The following SOBP variants were observed in gnomAD, a reference collection of about 807,000 sequenced individuals.
The protein encoded by SOBP is sine oculis binding protein homolog.
Under a neutral mutation model 53.6 loss-of-function variants are expected in SOBP, and 4 were observed. The observed-to-expected ratio is 0.07, with a 90% CI of 0.04 to 0.17. SOBP has a LOEUF of 0.17. SOBP is among the 10% of genes least tolerant of loss of function. The pLI, the probability that SOBP is intolerant of heterozygous loss-of-function variation, is 1.00. For missense variants in SOBP, 1,088 were observed against 1,204.7 expected (o/e 0.90, Z 1.43); for synonymous variants, 584 against 522.6 (o/e 1.12, Z -1.60).
intron 5 of SOBP, among the ~76,000 whole-genome samples, chr6:107,614,350 G>C (rs1786703559): frequency 6.6e-6 from 1 of 152,194 alleles, no homozygotes; most frequent in Non-Finnish European, 1.5e-5. Flanking sequence ...TTGAACAGTA[G>C]AGTGAGACCC....
intron 4 of SOBP, among the ~76,000 whole-genome samples, chr6:107,563,659 T>C (rs1001681887): frequency 3.3e-5 from 5 of 152,000 alleles, no homozygotes; most frequent in African/African-American, 7.3e-5. Context: ...TTTTCATTGT[T>C]CCTTTTTTAT....
At chr6:107,570,184 GC>G (rs1185943318) in intron 4 of SOBP, among the ~76,000 whole-genome samples, 1 of 152,170 alleles carries the variant, frequency 6.6e-6, no homozygotes, top group African/African-American at 2.4e-5. Context: ...GCAAAGTGTA[GC>G]TTACCAAGCA....
chr6:107,557,127 C>T (rs1003169967), intron 4 of SOBP, among the ~76,000 whole-genome samples: 2 of 151,912 alleles, frequency 1.3e-5, no homozygotes, highest in East Asian at 1.9e-4. Flanking sequence ...TTGTTGCTGT[C>T]GCAAGTGACC....
rs5878923 is a variant in SOBP at position 107,584,794 on chromosome 6, A to ATT, written c.574-2277_574-2276dup. Among the ~76,000 whole-genome samples the ATT allele has an allele frequency of 2.5e-3, 377 of 149,766 alleles. 6 individuals are homozygous for ATT. The East Asian group carries it at 0.044, about 18-fold the overall frequency. ...GCATATTCAAATATTAGATAATGGGATTTTTTTTTTGTCCTTTAAACACAA... is the reference window on the plus strand; with the variant it reads ...GCATATTCAAATATTAGATAATGGGATTTTTTTTTTTTGTCCTTTAAACACAA... On this transcript the variant is annotated intron_variant, in intron 4 of 6. Transcript: ENST00000317357.
intron 5 of SOBP, among the ~76,000 whole-genome samples, chr6:107,620,008 TG>T (rs1786946070): frequency 6.6e-6 from 1 of 152,212 alleles, no homozygotes. Context: ...GTGAGACTTT[TG>T]GTCTTCCTAA....
At chr6:107,565,335 A>G (rs1434426939) in intron 4 of SOBP, among the ~76,000 whole-genome samples, 1 of 152,222 alleles carries the variant, frequency 6.6e-6, no homozygotes, top group Admixed American at 6.5e-5. Context: ...CTGTCTGCAC[A>G]AGGCTGCCCC....
At chr6:107,640,881 G>A (rs141139760) in intron 6 of SOBP, among the ~76,000 whole-genome samples, 1 of 152,326 alleles carries the variant, frequency 6.6e-6, no homozygotes, top group Non-Finnish European at 1.5e-5. Flanking sequence ...GGTCATGCTA[G>A]TGCAGCACTG....
rs1239930614 is a variant in SOBP at position 107,658,636 on chromosome 6, T to C, written c.*433T>C. ...TTAATCTTTTTAAAAACTGCTGTGG[T>C]TTTGCTGCTACACTAAGAATTGTGA... is the stretch of plus-strand genomic sequence containing the variant. On this transcript the variant is annotated 3_prime_UTR_variant, in exon 7 of 7. Transcript: ENST00000317357. 1 of 152,626 alleles carries C rather than the reference T, an allele frequency of 6.6e-6. No homozygotes were observed. Among genetic ancestry groups the C allele is most frequent in the Non-Finnish European group, 1.5e-5 (1 of 68,046 alleles). The allele number at this position is 152,626 out of a possible 1,614,324, so 9.5% of individuals were successfully genotyped here.
chr6:107,568,549 A>C (rs1197167849), intron 4 of SOBP, among the ~76,000 whole-genome samples: 1 of 152,218 alleles, frequency 6.6e-6, no homozygotes, highest in East Asian at 1.9e-4. Context: ...TGGGAGCAAC[A>C]CACACATCAG....
At chr6:107,569,218 A>G (rs1224749965) in intron 4 of SOBP, among the ~76,000 whole-genome samples, 2 of 152,220 alleles carry the variant, frequency 1.3e-5, no homozygotes, top group Non-Finnish European at 2.9e-5. Context: ...CTCTAAGGGC[A>G]GTGGCATCCC....
chr6:107,506,894 A>G (rs948114239), intron 3 of SOBP, among the ~76,000 whole-genome samples: 1 of 151,996 alleles, frequency 6.6e-6, no homozygotes, highest in Admixed American at 6.6e-5. Context: ...CATGTCTACT[A>G]AAAATACAAA....
intron 5 of SOBP, among the ~76,000 whole-genome samples, chr6:107,602,568 T>TTAAAAAAAAA (rs1421561980): frequency 5.8e-5 from 6 of 102,782 alleles, no homozygotes; most frequent in African/African-American, 2.4e-4. Context: ...TAAGCCGCGT[T>TTAAAAAAAAA]AAAAAAAAAA....
intron 5 of SOBP, among the ~76,000 whole-genome samples, chr6:107,588,674 G>T (rs1328147625): frequency 1.3e-5 from 2 of 152,118 alleles, no homozygotes; most frequent in Non-Finnish European, 2.9e-5. Flanking sequence ...TTGTCTATTT[G>T]TTGGAAAAAT....
chr6:107,587,537 G>A (rs1050783605), intron 5 of SOBP, among the ~76,000 whole-genome samples: 2 of 152,110 alleles, frequency 1.3e-5, no homozygotes, highest in Non-Finnish European at 1.5e-5. Context: ...CGTCCTCATT[G>A]TACACTATTT....
chr6:107,531,509 T>G (rs2114984852), intron 3 of SOBP, among the ~76,000 whole-genome samples: 1 of 152,302 alleles, frequency 6.6e-6, no homozygotes, highest in African/African-American at 2.4e-5. Context: ...TACACCAAGG[T>G]AAATTATAAA....
intron 3 of SOBP, among the ~76,000 whole-genome samples, chr6:107,516,324 T>C (rs1783319421): frequency 6.6e-6 from 1 of 151,780 alleles, no homozygotes; most frequent in Admixed American, 6.6e-5. Context: ...TAGTAGGGTG[T>C]GGTGATGCGC....
intron 4 of SOBP, among the ~76,000 whole-genome samples, chr6:107,554,318 C>T (rs1784546831): frequency 6.6e-6 from 1 of 152,132 alleles, no homozygotes. Flanking sequence ...GCTTTAAAGT[C>T]ACAAAACTGG....
At position 107,661,184 on chromosome 6, in the gene SOBP, C is replaced by A. The variant is rs1324264262; in HGVS notation, c.*2981C>A. ...ACCTTTGTTCCAGCATAGAAAGATTCTGTGGCATCTCATAAGCCATCAGCA... is the reference window on the plus strand; with the variant it reads ...ACCTTTGTTCCAGCATAGAAAGATTATGTGGCATCTCATAAGCCATCAGCA... On this transcript the variant is annotated 3_prime_UTR_variant, in exon 7 of 7. Transcript: ENST00000317357. Among the ~76,000 whole-genome samples, 1 of 152,204 alleles carries A rather than the reference C, an allele frequency of 6.6e-6. No individual in the cohort carries two copies. Among genetic ancestry groups the A allele is most frequent in the African/African-American group, 2.4e-5 (1 of 41,442 alleles).
chr6:107,635,653 A>G lies in SOBP; in HGVS notation c.*3+184A>G, dbSNP rs78032258. Among the ~76,000 whole-genome samples, 236 of 152,298 alleles carry G rather than the reference A, an allele frequency of 1.5e-3. 2 individuals are homozygous for G. The East Asian group carries it at 0.035, about 22-fold the overall frequency. ...CTCTGATGCTGAGTTGTTCAGTAGCATCATTCCCATTTTACAGCCGAGGAA... is the reference window on the plus strand; with the variant it reads ...CTCTGATGCTGAGTTGTTCAGTAGCGTCATTCCCATTTTACAGCCGAGGAA... On this transcript the variant is annotated intron_variant, in intron 6 of 6. Coordinates refer to ENST00000317357, the MANE Select transcript of SOBP (RefSeq NM_018013.4). This position sits in a 1 kb window ranked among gnomAD's most constrained non-coding sequence, Gnocchi z 4.5.
Sources: allele counts gnomAD v4.1 joint callset (sites outside exome capture counted in the v4.1 genomes callset), GRCh38; gene constraint gnomAD v4.1.1; non-coding constraint Gnocchi (gnomAD v3.1); transcripts MANE v1.5; gene names NCBI Gene and HGNC (gene_info 2026-07-23, HGNC 2026-07-21).